QKI: variants seen among roughly 807,000 people sequenced by gnomAD.
QKI encodes the protein KH domain-containing RNA-binding protein QKI.
QKI carries 10 observed loss-of-function variants against 39.0 expected under a neutral mutation model. The ratio of observed to expected loss-of-function variants is 0.26; its 90% CI spans 0.16 to 0.43. The LOEUF (loss-of-function observed/expected upper bound fraction) is 0.43, where lower values mean the gene tolerates loss of function less well. QKI is among the 20% of genes least tolerant of loss of function. The pLI, the probability that QKI is intolerant of heterozygous loss-of-function variation, is 1.00. For missense variants in QKI, 218 were observed against 428.0 expected (o/e 0.51, Z 4.33); for synonymous variants, 204 against 155.4 (o/e 1.31, Z -2.33).
intron 2 of QKI, among the ~76,000 whole-genome samples, chr6:163,465,086 A>G (rs1361467950): frequency 6.6e-6 from 1 of 152,230 alleles, no homozygotes; most frequent in East Asian, 1.9e-4. Context: ...TAAAAACCAT[A>G]AGATCATCTT....
chr6:163,497,873 T>G (rs919343323), intron 3 of QKI, among the ~76,000 whole-genome samples: 13 of 152,082 alleles, frequency 8.5e-5, no homozygotes, highest in Non-Finnish European at 1.8e-4. Context: ...CATTTGGGTG[T>G]TGTTTTAGTG....
intron 3 of QKI, 65 bp downstream of exon 3, chr6:163,478,961 A>G: frequency 1.5e-6 from 2 of 1,338,734 alleles, no homozygotes; most frequent in Non-Finnish European, 2.1e-6. Flanking sequence ...CATCGTAATA[A>G]TAAAATTTCC....
At chr6:163,445,866 G>A (rs1356688525) in intron 1 of QKI, among the ~76,000 whole-genome samples, 2 of 152,084 alleles carry the variant, frequency 1.3e-5, no homozygotes, top group East Asian at 3.9e-4. Flanking sequence ...CGTCCACCTC[G>A]GCCTCCCAAA....
intron 1 of QKI, among the ~76,000 whole-genome samples, chr6:163,428,200 G>T (rs557993603): frequency 1.3e-5 from 2 of 152,292 alleles, no homozygotes; most frequent in African/African-American, 2.4e-5. Context: ...GTTCTTTAAA[G>T]AACTTGTCTT....
intron 3 of QKI, among the ~76,000 whole-genome samples, chr6:163,533,458 T>C (rs955697102): frequency 3.3e-5 from 5 of 152,240 alleles, no homozygotes; most frequent in Non-Finnish European, 7.3e-5. Context: ...ACCACATTTT[T>C]ACTAATAGCA....
intron 1 of QKI, among the ~76,000 whole-genome samples, chr6:163,431,356 C>CTTTTTTTATTTTTTTTTTTTTA (rs1788816101): frequency 6.6e-6 from 1 of 152,060 alleles, no homozygotes; most frequent in Non-Finnish European, 1.5e-5. Flanking sequence ...TTAAGATGTG[C>CTTTTTTTATTTTTTTTTTTTTA]TGTTTTTTAA....
At chr6:163,514,365 A>G (rs977113047) in intron 3 of QKI, among the ~76,000 whole-genome samples, 1 of 152,158 alleles carries the variant, frequency 6.6e-6, no homozygotes, top group African/African-American at 2.4e-5. Context: ...GAAAACTGAT[A>G]ATAATTTATT....
intron 7 of QKI, chr6:163,569,075 T>A: frequency 1.0e-6 from 1 of 952,996 alleles, no homozygotes; most frequent in Non-Finnish European, 1.2e-6. Flanking sequence ...AAACTATGAG[T>A]AACATCAAAA....
intron 1 of QKI, among the ~76,000 whole-genome samples, chr6:163,426,026 A>G (rs955952539): frequency 9.8e-5 from 15 of 152,330 alleles, no homozygotes; most frequent in Admixed American, 2.0e-4. Flanking sequence ...AGAGAGATAC[A>G]TATTTGTGTA....
chr6:163,429,904 A>G (rs925376507), intron 1 of QKI, among the ~76,000 whole-genome samples: 5 of 152,204 alleles, frequency 3.3e-5, no homozygotes, highest in African/African-American at 1.2e-4. Flanking sequence ...AGTTGGAAAG[A>G]ATATGAAAAT....
intron 7 of QKI, chr6:163,567,214 C>T: frequency 1.0e-6 from 1 of 989,328 alleles, no homozygotes; most frequent in Non-Finnish European, 1.2e-6. Flanking sequence ...ATATATGCCT[C>T]CTGTGTACTT....
At chr6:163,452,713 T>G (rs813640) in intron 1 of QKI, among the ~76,000 whole-genome samples, 50,701 of 152,054 alleles carry the variant, frequency 0.33, 9,285 homozygotes, top group African/African-American at 0.47. Flanking sequence ...GAGGACTGTT[T>G]GTTTTATACA....
intron 2 of QKI, among the ~76,000 whole-genome samples, chr6:163,470,222 AGTCTATAATTT>A (rs1486127153): frequency 6.6e-6 from 1 of 152,018 alleles, no homozygotes; most frequent in Non-Finnish European, 1.5e-5. Flanking sequence ...TAGCGTTTGG[AGTCTATAATTT>A]GTCTATGTGA....
rs530638906 is a variant in QKI, at chr6:163,457,263, A to G, written c.285+1842A>G. 25 of 452,906 alleles carry G rather than the reference A, an allele frequency of 5.5e-5. 1 individual carries two copies. The highest frequency in any genetic ancestry group is 3.7e-4 in the South Asian group (24 of 64,308). 28.1% of individuals were successfully genotyped at this position (452,906 alleles called of 1,614,324 possible). On this transcript the variant is annotated intron_variant, in intron 2 of 7. Transcript: ENST00000361752. ...TCCATCTCTTAAAAAAAGAAATCCTATTCAAGGAAGGGGTATTTATGCATT... is the reference window on the plus strand; with the variant it reads ...TCCATCTCTTAAAAAAAGAAATCCTGTTCAAGGAAGGGGTATTTATGCATT...
chr6:163,566,660 A>AG lies in QKI; in HGVS notation c.935-61_935-60insG, dbSNP rs1783375632. ...ATCCATTTTGATAAACCTGCTGTTA[A>AG]TGTTTTTTCCCCCCTTGTGAATGTT... On this transcript the variant is annotated intron_variant, in intron 6 of 7. Transcript: ENST00000361752. The AG allele has an allele frequency of 1.5e-5, 24 of 1,593,132 alleles. No homozygotes were observed. In the South Asian group the frequency reaches 2.7e-4, roughly 18 times the overall value.
intron 2 of QKI, among the ~76,000 whole-genome samples, chr6:163,467,618 A>G (rs1444223366): frequency 6.6e-6 from 1 of 152,228 alleles, no homozygotes; most frequent in Admixed American, 6.5e-5. Flanking sequence ...AATATGTGAA[A>G]GGTTTTGCCA....
chr6:163,519,837 C>G (rs1780041105), intron 3 of QKI, among the ~76,000 whole-genome samples: 1 of 151,886 alleles, frequency 6.6e-6, no homozygotes. Context: ...TGTTTAATAT[C>G]TCAGAAAATG....
At chr6:163,516,568 C>T (rs1479287639) in intron 3 of QKI, among the ~76,000 whole-genome samples, 5 of 152,200 alleles carry the variant, frequency 3.3e-5, no homozygotes, top group Non-Finnish European at 7.4e-5. Flanking sequence ...GCTGGGATTA[C>T]AGGCGTGAGC....
intron 7 of QKI, chr6:163,567,757 C>T (rs1034940761): frequency 1.6e-5 from 16 of 984,672 alleles, no homozygotes; most frequent in Middle Eastern, 5.2e-4. Context: ...TCTATTATGG[C>T]ACATTTGTTT....
Sources: allele counts gnomAD v4.1 joint callset (sites outside exome capture counted in the v4.1 genomes callset), GRCh38; gene constraint gnomAD v4.1.1; transcripts MANE v1.5; gene names NCBI Gene and HGNC (gene_info 2026-07-23, HGNC 2026-07-21).